Variants in MAP2 observed in about 807,000 individuals in gnomAD.
The protein encoded by MAP2 is microtubule associated protein 2.
MAP2 carries 14 observed loss-of-function variants against 137.6 expected under a neutral mutation model. The observed-to-expected ratio is 0.10, with a 90% confidence interval of 0.07 to 0.16. The LOEUF is 0.16. MAP2 is among the 10% of genes least tolerant of loss of function. The pLI, the probability that MAP2 is intolerant of heterozygous loss-of-function variation, is 1.00. For synonymous variants in MAP2, 786 were observed against 782.3 expected, an observed-to-expected ratio of 1.00 and a Z score of -0.08; for missense variants, 2,088 against 2,191.5, an observed-to-expected ratio of 0.95 and a Z score of 0.94.
intron 3 of MAP2, among the ~76,000 whole-genome samples, chr2:209,614,857 A>G (rs1239489478): frequency 6.6e-6 from 1 of 152,162 alleles, no homozygotes; most frequent in Admixed American, 6.5e-5. Context: ...AAAGAACTCA[A>G]ATCAGCTGGA....
At chr2:209,546,221 T>A (rs1028021898) in intron 2 of MAP2, among the ~76,000 whole-genome samples, 2 of 152,206 alleles carry the variant, frequency 1.3e-5, no homozygotes, top group Non-Finnish European at 2.9e-5. Flanking sequence ...ATATTTTAAA[T>A]GTGTATGGAT....
chr2:209,693,307 G>C lies in MAP2; in HGVS notation c.1137G>C (p.Met379Ile). The C allele has an allele frequency of 6.2e-7, 1 of 1,613,918 alleles. No homozygotes were observed. The highest frequency in any genetic ancestry group is 8.5e-7 in the Non-Finnish European group (1 of 1,179,968). Residue 379 changes from methionine to isoleucine, a missense_variant, in exon 8 of 16, where the codon ATG (methionine) becomes ATC (isoleucine). This residue lies in a region of MAP2 where 859 missense variants were observed against 794.5 expected (regional missense o/e 1.08). Transcript: ENST00000682079. ...EEPHEAKPDK[M>I]AEAPPSEAMT... ...CCCATGAGGCTAAACCTGACAAAAT[G>C]GCAGAAGCACCACCCTCAGAGGCAA... is the stretch of plus-strand genomic sequence containing the variant.
chr2:209,686,898 A>G (rs1310107999), intron 7 of MAP2, among the ~76,000 whole-genome samples: 2 of 152,172 alleles, frequency 1.3e-5, no homozygotes, highest in Non-Finnish European at 2.9e-5. Flanking sequence ...AGAAATTTTT[A>G]GCTAATTGTA....
chr2:209,427,875 G>A (rs1299417259), intron 1 of MAP2, among the ~76,000 whole-genome samples: 1 of 152,186 alleles, frequency 6.6e-6, no homozygotes, highest in East Asian at 1.9e-4. Context: ...GATGTGGAAT[G>A]AAAGCAAATT....
intron 3 of MAP2, among the ~76,000 whole-genome samples, chr2:209,590,591 T>G (rs1559365673): frequency 6.6e-6 from 1 of 152,202 alleles, no homozygotes; most frequent in Non-Finnish European, 1.5e-5. Context: ...CACCTTGGCC[T>G]CCTAAAGTGC....
intron 2 of MAP2, among the ~76,000 whole-genome samples, chr2:209,561,846 C>G (rs16843094): frequency 0.02 from 2,999 of 152,236 alleles, 94 homozygotes; most frequent in African/African-American, 0.068. Context: ...ATTATCCAGA[C>G]CACCAACTTA....
rs1220710655 is a variant in MAP2 at position 209,424,048 on chromosome 2, G to A, written c.-450G>A. ...GAGCCGGCTGGGGGCGCCGCTCTCA[G>A]TCTGGGGCGGGCGCTCGGGCTGCGC... On this transcript the variant is annotated 5_prime_UTR_variant, in exon 1 of 16. Coordinates refer to ENST00000682079, the MANE Select transcript of MAP2 (RefSeq NM_001375505.1). The A allele has an allele frequency of 1.9e-5, 3 of 157,438 alleles. No individual in the cohort carries two copies. 9.8% of individuals were successfully genotyped at this position (157,438 alleles called of 1,614,324 possible).
chr2:209,570,634 G>A (rs1329271930), intron 2 of MAP2, among the ~76,000 whole-genome samples: 1 of 151,812 alleles, frequency 6.6e-6, no homozygotes, highest in Non-Finnish European at 1.5e-5. Context: ...GTATAATGAT[G>A]GTTTTTGTTT....
intron 2 of MAP2, among the ~76,000 whole-genome samples, chr2:209,510,280 A>G (rs1257629918): frequency 6.6e-6 from 1 of 151,960 alleles, no homozygotes; most frequent in African/African-American, 2.4e-5. Flanking sequence ...AGTTACTTGA[A>G]AAGGTGATTT....
intron 12 of MAP2, among the ~76,000 whole-genome samples, chr2:209,707,985 A>G (rs1044160374): frequency 2.6e-5 from 4 of 152,198 alleles, no homozygotes; most frequent in African/African-American, 7.2e-5. Flanking sequence ...TTATTAAAAA[A>G]ATATGTTGTC....
chr2:209,609,350 A>G (rs1313579955), intron 3 of MAP2, among the ~76,000 whole-genome samples: 1 of 152,114 alleles, frequency 6.6e-6, no homozygotes, highest in Non-Finnish European at 1.5e-5. Context: ...ATTGAGTGAG[A>G]TATAATTCAC....
At chr2:209,449,286 T>A (rs1272509265) in intron 1 of MAP2, among the ~76,000 whole-genome samples, 3 of 152,040 alleles carry the variant, frequency 2.0e-5, no homozygotes. Flanking sequence ...AATCAAAAAA[T>A]TTTTTCAGGC....
chr2:209,448,604 G>GA (rs1699633415), intron 1 of MAP2, among the ~76,000 whole-genome samples: 1 of 152,116 alleles, frequency 6.6e-6, no homozygotes, highest in African/African-American at 2.4e-5. Flanking sequence ...AGGTTCCAGG[G>GA]AAGATCCCAT....
intron 3 of MAP2, among the ~76,000 whole-genome samples, chr2:209,589,054 TGGAA>T (rs1343320398): frequency 3.1e-4 from 47 of 152,268 alleles, no homozygotes; most frequent in Non-Finnish European, 5.4e-4. Context: ...GCATGCTTAA[TGGAA>T]TAAGCTCCCT....
Position 209,694,645 on chromosome 2 carries a change from T to C in MAP2, c.2475T>C (p.Asp825=), listed in dbSNP as rs1271747053. ...TRSRLASVSA[D]AEVARRKSVP... ...CAAGATTGGCTTCTGTGAGTGCAGATGCTGAGGTTGCCAGGAGGAAATCAG... is the reference window on the plus strand; with the variant it reads ...CAAGATTGGCTTCTGTGAGTGCAGACGCTGAGGTTGCCAGGAGGAAATCAG... The change falls in exon 8 of 16, where the codon GAT becomes GAC. Residue 825 remains aspartate, a synonymous_variant. Coordinates refer to ENST00000682079, the MANE Select transcript of MAP2 (RefSeq NM_001375505.1). The C allele has an allele frequency of 6.2e-7, 1 of 1,614,040 alleles. No individual in the cohort carries two copies. Among genetic ancestry groups the C allele is most frequent in the African/African-American group, 1.3e-5 (1 of 74,930 alleles).
At chr2:209,595,048 A>G (rs780914783) in intron 3 of MAP2, among the ~76,000 whole-genome samples, 14 of 152,190 alleles carry the variant, frequency 9.2e-5, no homozygotes, top group Non-Finnish European at 1.5e-4. Context: ...CTACAATTCT[A>G]AAGAACTAGA....
intron 1 of MAP2, among the ~76,000 whole-genome samples, chr2:209,453,713 C>G (rs1215049329): frequency 2.6e-5 from 4 of 151,836 alleles, no homozygotes; most frequent in Non-Finnish European, 4.4e-5. Flanking sequence ...TTTTTTTAAA[C>G]CAAAGGATTC....
At chr2:209,433,824 C>T (rs1239071646) in intron 1 of MAP2, among the ~76,000 whole-genome samples, 1 of 151,678 alleles carries the variant, frequency 6.6e-6, no homozygotes. Flanking sequence ...CACTTGTAGT[C>T]TCTTTGTACC....
chr2:209,534,266 T>C (rs545112917), intron 2 of MAP2, among the ~76,000 whole-genome samples: 1 of 152,352 alleles, frequency 6.6e-6, no homozygotes, highest in Admixed American at 6.5e-5. Context: ...TTGGTTACTG[T>C]TGGGATATCC....
Sources: gnomAD v4.1 joint callset for allele counts (sites outside exome capture counted in the v4.1 genomes callset) on GRCh38, gnomAD v4.1.1 for gene constraint, gnomAD v4.1.1 regional missense constraint, MANE v1.5 for transcripts, NCBI Gene and HGNC (gene_info 2026-07-23, HGNC 2026-07-21) for gene names.